The following SEPTIN9 variants were observed in gnomAD, a reference collection of about 807,000 sequenced individuals.
The protein encoded by SEPTIN9 is septin 9.
SEPTIN9 carries 13 observed loss-of-function variants against 56.6 expected under a neutral mutation model. The ratio of observed to expected loss-of-function variants is 0.23; its 90% CI spans 0.15 to 0.37. The LOEUF is 0.37. Among genes scored for constraint, SEPTIN9 ranks in the 10% least tolerant of loss-of-function variants. The pLI, the probability that SEPTIN9 is intolerant of heterozygous loss-of-function variation, is 1.00. For synonymous variants in SEPTIN9, 332 were observed against 334.1 expected, an observed-to-expected ratio of 0.99 and a Z score of 0.07; for missense variants, 650 against 823.1, an observed-to-expected ratio of 0.79 and a Z score of 2.57.
At chr17:77,307,016 C>A in intron 1 of SEPTIN9, 125 bp from the exon 2 acceptor site, 1 of 921,970 alleles carries the variant, frequency 1.1e-6, no homozygotes, top group Non-Finnish European at 1.8e-6. Context: ...CCCAGATGGG[C>A]CCCGTTTCTG....
chr17:77,426,543 C>T (rs1008737218), intron 3 of SEPTIN9, among the ~76,000 whole-genome samples: 5 of 152,160 alleles, frequency 3.3e-5, no homozygotes, highest in East Asian at 1.9e-4. Flanking sequence ...TTCACTGCAC[C>T]GGTCCCCTGG....
rs528511085 is a variant in SEPTIN9 at position 77,310,526 on chromosome 17, G to A, written c.76+3329G>A. Among the ~76,000 whole-genome samples, 2 of 152,270 alleles carry A rather than the reference G, an allele frequency of 1.3e-5. No homozygotes were observed. Among genetic ancestry groups the A allele is most frequent in the South Asian group, 4.1e-4 (2 of 4,822 alleles). The stretch of plus-strand genomic sequence containing the variant: ...GGAGGCAGAGTTTGCCCGTCCCGTG[G>A]CCCACTGGTGACATCGCCGAAGGTC... On this transcript the variant is annotated intron_variant, in intron 2 of 11. Coordinates refer to ENST00000427177, the MANE Select transcript of SEPTIN9 (RefSeq NM_001113491.2). The surrounding 1 kb of genome is among the most constrained non-coding windows in gnomAD (Gnocchi z 4.7).
chr17:77,424,212 G>GAGAAGAAGGCACCGAGGCGCAGAGA (rs10671712), intron 3 of SEPTIN9, among the ~76,000 whole-genome samples: 1 of 152,248 alleles, frequency 6.6e-6, no homozygotes. Flanking sequence ...TACTACTGCA[G>GAGAAGAAGGCACCGAGGCGCAGAGA]AGAAGGCACC....
Position 77,369,815 on chromosome 17 carries a change from G to T in SEPTIN9, c.77-32244G>T, listed in dbSNP as rs1346621721. Among the ~76,000 whole-genome samples the T allele has an allele frequency of 6.6e-6, 1 of 152,194 alleles. No individual in the cohort carries two copies. Among genetic ancestry groups the T allele is most frequent in the African/African-American group, 2.4e-5 (1 of 41,446 alleles). On this transcript the variant is annotated intron_variant, in intron 2 of 11. Transcript: ENST00000427177. This position sits in a 1 kb window ranked among gnomAD's most constrained non-coding sequence, Gnocchi z 4.9. ...CCTCTCCATGGAGGCTGTGCCTGGAGGGGGGTCATGGATATGGATGTGTGC... is the reference window on the plus strand; with the variant it reads ...CCTCTCCATGGAGGCTGTGCCTGGATGGGGGTCATGGATATGGATGTGTGC...
Position 77,437,435 on chromosome 17 carries a change from C to T in SEPTIN9, c.721+34732C>T, listed in dbSNP as rs1210358829. Among the ~76,000 whole-genome samples the T allele has an allele frequency of 6.6e-6, 1 of 151,842 alleles. No homozygotes were observed. Among genetic ancestry groups the T allele is most frequent in the Non-Finnish European group, 1.5e-5 (1 of 67,976 alleles). On this transcript the variant is annotated intron_variant, in intron 3 of 11. Coordinates refer to ENST00000427177, the MANE Select transcript of SEPTIN9 (RefSeq NM_001113491.2). This position sits in a 1 kb window ranked among gnomAD's most constrained non-coding sequence, Gnocchi z 5.3. ...ATTCATCTTGCTGGATGTGTGGCTG[C>T]CTTTATGTAACCAACTCTCTCACGG... is the stretch of plus-strand genomic sequence containing the variant.
intron 2 of SEPTIN9, among the ~76,000 whole-genome samples, chr17:77,388,810 CTTTTTTTTT>C (rs5822196): frequency 5.1e-5 from 4 of 78,052 alleles, no homozygotes; most frequent in Non-Finnish European, 6.6e-5. Flanking sequence ...GTGTTAGGCG[CTTTTTTTTT>C]TTTTTTTTTT....
intron 2 of SEPTIN9, among the ~76,000 whole-genome samples, chr17:77,368,582 G>GAT (rs767088533): frequency 3.9e-5 from 6 of 152,138 alleles, no homozygotes; most frequent in Non-Finnish European, 8.8e-5. Flanking sequence ...AAAGTGCTGG[G>GAT]ATTACAGGCG....
chr17:77,474,524 C>T (rs1003813561), intron 3 of SEPTIN9, among the ~76,000 whole-genome samples: 2 of 152,218 alleles, frequency 1.3e-5, no homozygotes, highest in African/African-American at 2.4e-5. Flanking sequence ...GCTCTGCCTC[C>T]AGCTCCCTGG....
At chr17:77,463,889 G>A (rs1387346525) in intron 3 of SEPTIN9, among the ~76,000 whole-genome samples, 22 of 151,846 alleles carry the variant, frequency 1.4e-4, no homozygotes, top group Admixed American at 1.3e-3. Context: ...AGTAATTCTC[G>A]ATCGCTGAAA....
intron 3 of SEPTIN9, among the ~76,000 whole-genome samples, chr17:77,463,371 G>A (rs1046737150): frequency 1.1e-4 from 17 of 152,082 alleles, no homozygotes; most frequent in Admixed American, 2.0e-4. Flanking sequence ...TGTTTGCCCC[G>A]AGAATACTCA....
chr17:77,288,762 A>G (rs573411099), intron 1 of SEPTIN9, among the ~76,000 whole-genome samples: 207 of 152,316 alleles, frequency 1.4e-3, no homozygotes, highest in African/African-American at 4.7e-3. Context: ...ATAACAGGGA[A>G]CTTTAGCTCT....
intron 3 of SEPTIN9, among the ~76,000 whole-genome samples, chr17:77,457,392 C>T (rs1046368451): frequency 6.6e-6 from 1 of 152,168 alleles, no homozygotes; most frequent in East Asian, 1.9e-4. Flanking sequence ...CCCCTAGAGG[C>T]GCCCCATGTC....
At chr17:77,332,313 A>T (rs867543547) in intron 2 of SEPTIN9, among the ~76,000 whole-genome samples, 3 of 146,678 alleles carry the variant, frequency 2.0e-5, no homozygotes, top group Admixed American at 6.9e-5. Context: ...AAAAGAAACC[A>T]TGAAAGATTC....
At chr17:77,419,215 G>C (rs312912) in intron 3 of SEPTIN9, among the ~76,000 whole-genome samples, 2,911 of 152,278 alleles carry the variant, frequency 0.019, 89 homozygotes, top group African/African-American at 0.067. Context: ...TCCCCAGGCG[G>C]GTCACACTTG....
At chr17:77,422,145 A>G (rs1429853961) in intron 3 of SEPTIN9, among the ~76,000 whole-genome samples, 1 of 152,156 alleles carries the variant, frequency 6.6e-6, no homozygotes, top group African/African-American at 2.4e-5. Flanking sequence ...GGCATGAGCC[A>G]TTGTGCTCAG....
In SEPTIN9 at chr17:77,493,083, G is replaced by A. The variant is rs1487482843; in HGVS notation, c.1573+7G>A. 7.1e-6 allele frequency: 11 copies of A among 1,547,796 alleles called. No homozygotes were observed. The East Asian group carries it at 1.2e-4, about 17-fold the overall frequency. The stretch of plus-strand genomic sequence containing the variant: ...AAGTGGGGTACCATCGAAGGTACTC[G>A]CCGCAGGCGCCGGGGCTCCAGACAG... On this transcript the variant is annotated splice_region_variant and intron_variant, in intron 10 of 11. Transcript: ENST00000427177.
chr17:77,490,557 C>T (rs1172682901), intron 7 of SEPTIN9, among the ~76,000 whole-genome samples, 185 bp from the exon 8 acceptor site: 1 of 152,232 alleles, frequency 6.6e-6, no homozygotes, highest in Non-Finnish European at 1.5e-5. Context: ...CTGGGACACA[C>T]CCGTGTCCTT....
rs2144099441 is a variant in SEPTIN9, at chr17:77,402,355, A to G, written c.373A>G (p.Ile125Val). 6.2e-7 allele frequency: 1 copy of G among 1,612,464 alleles called. No homozygotes were observed. Among genetic ancestry groups the G allele is most frequent in the Non-Finnish European group, 8.5e-7 (1 of 1,179,748 alleles). Reference sequence around the variant, plus strand: ...CAAGCAGGTGGAGAACGCCGGGGCCATCGGCCCGTCCCGGTTCGGGCTCAA... The same window carrying G: ...CAAGCAGGTGGAGAACGCCGGGGCCGTCGGCCCGTCCCGGTTCGGGCTCAA... The part of the protein sequence containing the change: ...SSKQVENAGA[I>V]GPSRFGLKRA... The change falls in exon 3 of 12, where the codon ATC becomes GTC. Residue 125 changes from isoleucine (I) to valine (V), a missense_variant. By Grantham distance (29) the Ile-to-Val change is conservative. Coordinates refer to ENST00000427177, the MANE Select transcript of SEPTIN9 (RefSeq NM_001113491.2). This position sits in a 1 kb window ranked among gnomAD's most constrained non-coding sequence, Gnocchi z 6.6.
At position 77,405,077 on chromosome 17, in the gene SEPTIN9, A is replaced by T; in HGVS notation, c.721+2374A>T. 1 of 1,534,958 alleles carries T rather than the reference A, an allele frequency of 6.5e-7. No individual in the cohort carries two copies. Among genetic ancestry groups the T allele is most frequent in the Non-Finnish European group, 8.7e-7 (1 of 1,146,600 alleles). On this transcript the variant is annotated intron_variant, in intron 3 of 11. Coordinates refer to ENST00000427177, the MANE Select transcript of SEPTIN9 (RefSeq NM_001113491.2). This position sits in a 1 kb window ranked among gnomAD's most constrained non-coding sequence, Gnocchi z 5.8. ...CTGGGGAGGCGGTTGTCACCGAGCC[A>T]TCTAAATCTCGGTGATGGCTGGTGC...
Sources: allele counts gnomAD v4.1 joint callset (sites outside exome capture counted in the v4.1 genomes callset), GRCh38; gene constraint gnomAD v4.1.1; non-coding constraint Gnocchi (gnomAD v3.1); transcripts MANE v1.5; gene names NCBI Gene and HGNC (gene_info 2026-07-23, HGNC 2026-07-21).